The following SLIT3 variants were observed in gnomAD, a reference collection of about 807,000 sequenced individuals.
SLIT3 encodes the protein slit homolog 3 protein.
In SLIT3, 68 loss-of-function variants were observed where a neutral mutation model predicts 184.0. The observed-to-expected ratio is 0.37, with a 90% CI of 0.30 to 0.45. The LOEUF (loss-of-function observed/expected upper bound fraction) is 0.45, where lower values mean the gene tolerates loss of function less well. Among genes scored for constraint, SLIT3 ranks in the 20% least tolerant of loss-of-function variants. SLIT3 has a pLI of 1.00. For synonymous variants in SLIT3, 831 were observed against 828.6 expected, an observed-to-expected ratio of 1.00 and a Z score of -0.05; for missense variants, 1,707 against 2,026.0, an observed-to-expected ratio of 0.84 and a Z score of 3.02.
At chr5:169,271,763 C>T (rs1185108912) in intron 1 of SLIT3, among the ~76,000 whole-genome samples, 1 of 152,232 alleles carries the variant, frequency 6.6e-6, no homozygotes, top group East Asian at 1.9e-4. Flanking sequence ...ACTCCCATTC[C>T]ATGAGTCCAA....
rs566825138 is a variant in SLIT3, at chr5:168,955,011, T to C, written c.414-71675A>G. ...TCTTCCAGAGACTTCAGAATGTCTT[T>C]GGGCATTCTGGAGGAAGGCCTGTTC... On this transcript the variant is annotated intron_variant, in intron 4 of 35. Transcript: ENST00000519560. Among the ~76,000 whole-genome samples the C allele has an allele frequency of 1.3e-4, 16 of 127,116 alleles. No individual in the cohort carries two copies. The East Asian group carries it at 3.9e-3, about 31-fold the overall frequency. 83.4% of individuals were successfully genotyped at this position (127,116 alleles called of 152,430 possible).
At chr5:169,185,578 T>C (rs1296181137) in intron 4 of SLIT3, among the ~76,000 whole-genome samples, 4 of 152,238 alleles carry the variant, frequency 2.6e-5, no homozygotes, top group African/African-American at 4.8e-5. Flanking sequence ...TTCACTTTTA[T>C]AGCACTGTTT....
intron 4 of SLIT3, among the ~76,000 whole-genome samples, chr5:168,915,041 T>C (rs1056935222): frequency 6.6e-6 from 1 of 152,162 alleles, no homozygotes; most frequent in Non-Finnish European, 1.5e-5. Context: ...AAGCAGGCAA[T>C]ACGTAATCTG....
intron 4 of SLIT3, among the ~76,000 whole-genome samples, chr5:168,912,748 C>A (rs1761293061): frequency 6.6e-6 from 1 of 152,070 alleles, no homozygotes; most frequent in Non-Finnish European, 1.5e-5. Flanking sequence ...TGCCCATGGT[C>A]CCTCCACAAG....
chr5:169,295,012 GGTGAGTCAGTGA>G (rs1424963725), intron 1 of SLIT3, among the ~76,000 whole-genome samples: 1 of 152,208 alleles, frequency 6.6e-6, no homozygotes, highest in Non-Finnish European at 1.5e-5. Context: ...AGTTGCTCTG[GGTGAGTCAGTGA>G]GTGAGTGCTG....
chr5:169,176,352 T>C (rs534872155), intron 4 of SLIT3, among the ~76,000 whole-genome samples: 6 of 152,344 alleles, frequency 3.9e-5, no homozygotes, highest in African/African-American at 1.4e-4. Context: ...CTGCGATTTC[T>C]TCGCTGAATG....
chr5:168,777,062 A>G (rs1020160595), intron 12 of SLIT3, among the ~76,000 whole-genome samples: 1 of 101,342 alleles, frequency 9.9e-6, no homozygotes, highest in Non-Finnish European at 1.9e-5. Flanking sequence ...AAAATTTCAT[A>G]CAACACACAC....
chr5:169,300,544 G>A lies in SLIT3; in HGVS notation c.166C>T (p.Pro56Ser). 2 of 1,509,994 alleles carry A rather than the reference G, an allele frequency of 1.3e-6. No homozygotes were observed. Among genetic ancestry groups the A allele is most frequent in the Non-Finnish European group, 1.8e-6 (2 of 1,132,526 alleles). 93.5% of individuals were successfully genotyped at this position (1,509,994 alleles called of 1,614,324 possible). ...TCAGCGTTGCGGGGGATGCCCCGAG[G>A]AACCGCGCGGAGGCCCAGCCCGTGG... ...DCHGLGLRAV[P>S]RGIPRNAERL... The change falls in exon 1 of 36, where the codon CCT (proline) becomes TCT (serine). Residue 56 changes from proline to serine, a missense_variant. By Grantham distance (74) the Pro-to-Ser change is moderately conservative (BLOSUM62 -1). Transcript: ENST00000519560. This position sits in a 1 kb window ranked among gnomAD's most constrained non-coding sequence, Gnocchi z 4.1.
At chr5:169,172,286 T>G (rs1394468373) in intron 4 of SLIT3, among the ~76,000 whole-genome samples, 1 of 152,184 alleles carries the variant, frequency 6.6e-6, no homozygotes, top group Non-Finnish European at 1.5e-5. Flanking sequence ...AGATACTTAT[T>G]TCAGGGTCCT....
chr5:168,817,344 C>T lies in SLIT3; in HGVS notation c.749G>A (p.Gly250Asp), dbSNP rs1263841909. The change falls in exon 8 of 36, where the codon GGC (glycine) becomes GAC (aspartate). Residue 250 changes from glycine to aspartate, a missense_variant. Gly to Asp is a moderately conservative substitution (Grantham distance 94). Transcript: ENST00000519560. ...CTTCTGCACATCCGCCACGTTGAAG[C>T]CCCTCAAATGCACAGGAGCCATGCA... is the stretch of plus-strand genomic sequence containing the variant. Reference protein sequence around the residue: ...TLCMAPVHLRGFNVADVQKKE... With the variant: ...TLCMAPVHLRDFNVADVQKKE... The T allele has an allele frequency of 1.2e-6, 2 of 1,614,174 alleles. No homozygotes were observed. The highest frequency in any genetic ancestry group is 1.3e-5 in the African/African-American group (1 of 75,042).
chr5:169,136,782 A>C (rs1338629195), intron 4 of SLIT3, among the ~76,000 whole-genome samples: 2 of 152,092 alleles, frequency 1.3e-5, no homozygotes, highest in Non-Finnish European at 2.9e-5. Flanking sequence ...AGTGTGTATG[A>C]GTTGAACCAT....
At chr5:168,823,127 C>G in intron 7 of SLIT3, 133 bp downstream of exon 7, 1 of 790,260 alleles carries the variant, frequency 1.3e-6, no homozygotes, top group Non-Finnish European at 2.3e-6. Flanking sequence ...TGGTTAATAG[C>G]AGAAGGAGGA....
chr5:168,685,731 G>A lies in SLIT3; in HGVS notation c.3511C>T (p.Leu1171=), dbSNP rs751669336. The change falls in exon 31 of 36, where the codon CTG becomes TTG. Residue 1171 remains leucine, a synonymous_variant. Transcript: ENST00000519560. ...NFVGKDSYVE[L]ASAKVRPQAN... ...TGGGGTCGGACCTTGGCGGAGGCCA[G>A]TTCCACGTAGGAGTCTTTGCCCACG... 5.7e-6 allele frequency: 9 copies of A among 1,589,302 alleles called. No individual in the cohort carries two copies. The highest frequency in any genetic ancestry group is 2.2e-5 in the East Asian group (1 of 44,554).
chr5:169,078,894 G>T (rs1279878271), intron 4 of SLIT3, among the ~76,000 whole-genome samples: 1 of 152,178 alleles, frequency 6.6e-6, no homozygotes, highest in Non-Finnish European at 1.5e-5. Context: ...TTTTCAAAAA[G>T]AAATAAACTA....
chr5:169,041,256 C>G (rs538840178), intron 4 of SLIT3, among the ~76,000 whole-genome samples: 1 of 152,176 alleles, frequency 6.6e-6, no homozygotes, highest in Non-Finnish European at 1.5e-5. Flanking sequence ...AAACATATAC[C>G]GAGCACATAG....
At chr5:169,071,976 A>G (rs775807716) in intron 4 of SLIT3, among the ~76,000 whole-genome samples, 13 of 152,138 alleles carry the variant, frequency 8.5e-5, no homozygotes, top group Non-Finnish European at 1.6e-4. Context: ...TGTTGCTTGG[A>G]TGTAAGTTGG....
In SLIT3 at chr5:169,193,386, C is replaced by T; in HGVS notation, c.413+93G>A. On this transcript the variant is annotated intron_variant, in intron 4 of 35. Coordinates refer to ENST00000519560, the MANE Select transcript of SLIT3 (RefSeq NM_003062.4). ...TCTATGTCAGGGCCTAACTGCCAAG[C>T]TCCACACGGCACGGCGCTCCACAAA... The T allele has an allele frequency of 2.9e-6, 3 of 1,041,680 alleles. No individual in the cohort carries two copies. In the South Asian group the frequency reaches 3.8e-5, roughly 13 times the overall value. The allele number at this position is 1,041,680 out of a possible 1,614,324, so 64.5% of individuals were successfully genotyped here. A position where few individuals can be genotyped will look rare whatever the true frequency, so the allele number is the denominator to read the frequency against.
intron 4 of SLIT3, chr5:169,012,852 C>T (rs1270645968): frequency 6.6e-6 from 1 of 152,164 alleles, no homozygotes; most frequent in African/African-American, 2.4e-5. Context: ...TGGGATGAAC[C>T]CCGGCCATTA....
At chr5:168,883,116 G>A (rs995790137) in intron 5 of SLIT3, 149 bp downstream of exon 5, 43 of 621,486 alleles carry the variant, frequency 6.9e-5, no homozygotes, top group African/African-American at 6.4e-4. Flanking sequence ...GGCATCCAAC[G>A]TGTGTTCCCT....
Sources: gnomAD v4.1 joint callset for allele counts (sites outside exome capture counted in the v4.1 genomes callset) on GRCh38, gnomAD v4.1.1 for gene constraint, Gnocchi (gnomAD v3.1) non-coding constraint, MANE v1.5 for transcripts, NCBI Gene and HGNC (gene_info 2026-07-23, HGNC 2026-07-21) for gene names.